Variants in BBOX1 observed in about 807,000 individuals in gnomAD.
BBOX1 encodes gamma-butyrobetaine dioxygenase.
In BBOX1, 35 loss-of-function variants were observed where a neutral mutation model predicts 41.6. That is an observed-to-expected ratio of 0.84 (90% CI 0.64 to 1.11). The LOEUF (loss-of-function observed/expected upper bound fraction) is 1.11. BBOX1 is among the 50% of genes most tolerant of loss of function. BBOX1 has a pLI of 0.00. For missense variants in BBOX1, 458 were observed against 460.6 expected, an observed-to-expected ratio of 0.99 and a Z score of 0.05; for synonymous variants, 163 against 154.7, an observed-to-expected ratio of 1.05 and a Z score of -0.40.
intron 2 of BBOX1, among the ~76,000 whole-genome samples, chr11:27,042,215 T>A (rs1851364837): frequency 6.6e-6 from 1 of 152,202 alleles, no homozygotes; most frequent in Admixed American, 6.5e-5. Flanking sequence ...AAATGGTGAT[T>A]CCACTAAAGT....
At chr11:27,104,908 T>A (rs1269147877) in intron 5 of BBOX1, among the ~76,000 whole-genome samples, 1 of 152,196 alleles carries the variant, frequency 6.6e-6, no homozygotes, top group Non-Finnish European at 1.5e-5. Flanking sequence ...AGAGGAAGAA[T>A]CAGGCAGCAA....
At chr11:27,074,680 G>C (rs796313747) in intron 4 of BBOX1, among the ~76,000 whole-genome samples, 16 of 152,320 alleles carry the variant, frequency 1.1e-4, no homozygotes, top group African/African-American at 3.8e-4. Flanking sequence ...TGACCTGGCT[G>C]TTTATAAAAG....
intron 4 of BBOX1, among the ~76,000 whole-genome samples, chr11:27,061,620 T>C (rs1034619337): frequency 3.3e-5 from 5 of 152,180 alleles, no homozygotes; most frequent in African/African-American, 7.2e-5. Context: ...AGTAGTAATG[T>C]TTTCTCTTCT....
At chr11:27,093,072 C>A in intron 4 of BBOX1, 96 bp from the exon 5 acceptor site, 1 of 1,181,760 alleles carries the variant, frequency 8.5e-7, no homozygotes, top group Non-Finnish European at 1.2e-6. Context: ...TATAAATCAA[C>A]AATCAACTTT....
chr11:27,103,527 G>T (rs117784358), intron 5 of BBOX1, among the ~76,000 whole-genome samples: 320 of 151,618 alleles, frequency 2.1e-3, no homozygotes, highest in Non-Finnish European at 3.5e-3. Context: ...TCCTAGTTAC[G>T]TTTATTTGAT....
intron 2 of BBOX1, among the ~76,000 whole-genome samples, chr11:27,051,631 T>C (rs952213907): frequency 3.9e-5 from 6 of 152,040 alleles, no homozygotes; most frequent in African/African-American, 1.4e-4. Flanking sequence ...TAGTCTCTTA[T>C]GAGCTTTTGT....
intron 4 of BBOX1, among the ~76,000 whole-genome samples, chr11:27,059,051 G>GA (rs1464180671): frequency 6.6e-6 from 1 of 152,174 alleles, no homozygotes; most frequent in Non-Finnish European, 1.5e-5. Context: ...GACCTGCACA[G>GA]CAGCCTCTCC....
intron 4 of BBOX1, among the ~76,000 whole-genome samples, chr11:27,059,145 G>A (rs1590172875): frequency 6.6e-6 from 1 of 152,260 alleles, no homozygotes; most frequent in African/African-American, 2.4e-5. Flanking sequence ...TCGGGAGGCA[G>A]CTCCCACATC....
chr11:27,041,574 C>G (rs1366044343), intron 2 of BBOX1, 96 bp downstream of exon 2: 1 of 152,180 alleles, frequency 6.6e-6, no homozygotes, highest in East Asian at 1.9e-4. Flanking sequence ...TTTGTGAATT[C>G]AAGTCTGTGG....
intron 4 of BBOX1, among the ~76,000 whole-genome samples, chr11:27,075,038 C>A (rs183918428): frequency 2.6e-5 from 4 of 152,184 alleles, no homozygotes; most frequent in Admixed American, 2.0e-4. Context: ...TGTTATAGAA[C>A]CCTGTTTTTT....
intron 5 of BBOX1, among the ~76,000 whole-genome samples, chr11:27,098,116 A>G (rs1858509269): frequency 6.6e-6 from 1 of 151,964 alleles, no homozygotes; most frequent in African/African-American, 2.4e-5. Flanking sequence ...TTCTGACTAC[A>G]GACAACCTGT....
At chr11:27,101,796 A>C (rs1231568186) in intron 5 of BBOX1, among the ~76,000 whole-genome samples, 1 of 152,184 alleles carries the variant, frequency 6.6e-6, no homozygotes, top group African/African-American at 2.4e-5. Context: ...GCCACAATCA[A>C]GCTTATTAAC....
rs1856951503 is a variant in BBOX1, at chr11:27,055,542, T to C, written c.112T>C (p.Cys38Arg). The C allele has an allele frequency of 1.2e-6, 2 of 1,614,198 alleles. No homozygotes were observed. The highest frequency in any genetic ancestry group is 1.7e-6 in the Non-Finnish European group (2 of 1,180,016). Residue 38 changes from cysteine to arginine, a missense_variant, in exon 3 of 9, where the codon TGT (cysteine) becomes CGT (arginine). Transcript: ENST00000263182. ...LYPAVWLRDN[C>R]PCSDCYLDSA... is the part of the protein sequence containing the mutation. ...CCCAGCTGTATGGTTGAGAGACAAC[T>C]GTCCGTGCTCTGATTGCTACCTGGA...
chr11:27,043,741 G>C (rs1194070655), intron 2 of BBOX1, among the ~76,000 whole-genome samples: 1 of 151,944 alleles, frequency 6.6e-6, no homozygotes, highest in Non-Finnish European at 1.5e-5. Flanking sequence ...ATGGCTTCCA[G>C]CTTCCTCCAT....
At position 27,127,558 on chromosome 11, in the gene BBOX1, A is replaced by T; in HGVS notation, c.*105A>T. The T allele has an allele frequency of 7.8e-7, 1 of 1,283,406 alleles. No homozygotes were observed. Among genetic ancestry groups the T allele is most frequent in the Non-Finnish European group, 1.1e-6 (1 of 938,426 alleles). 79.5% of individuals were successfully genotyped at this position (1,283,406 alleles called of 1,614,324 possible). A position where few individuals can be genotyped will look rare whatever the true frequency, so the allele number is the denominator to read the frequency against. On this transcript the variant is annotated 3_prime_UTR_variant, in exon 9 of 9. Transcript: ENST00000263182. ...TTTGTGATTTACATATAATTTCCTTAACAATGAACATGTAACTTCTCTCAC... is the reference window on the plus strand; with the variant it reads ...TTTGTGATTTACATATAATTTCCTTTACAATGAACATGTAACTTCTCTCAC...
chr11:27,124,934 T>C (rs1859596586), intron 7 of BBOX1, among the ~76,000 whole-genome samples: 1 of 152,154 alleles, frequency 6.6e-6, no homozygotes, highest in Admixed American at 6.5e-5. Flanking sequence ...TTACTAAAAA[T>C]AAAAACCTTA....
At chr11:27,054,080 T>C (rs1157305708) in intron 2 of BBOX1, among the ~76,000 whole-genome samples, 7 of 152,162 alleles carry the variant, frequency 4.6e-5, no homozygotes, top group Admixed American at 3.3e-4. Flanking sequence ...GTTATCTTAA[T>C]GTTGCATAAA....
chr11:27,074,866 T>A (rs866212665), intron 4 of BBOX1, among the ~76,000 whole-genome samples: 55 of 152,216 alleles, frequency 3.6e-4, no homozygotes, highest in African/African-American at 1.3e-3. Context: ...TCCCAAGGTC[T>A]TGGGCAGCTC....
chr11:27,110,526 A>T (rs1173584539), intron 5 of BBOX1, among the ~76,000 whole-genome samples: 1 of 151,834 alleles, frequency 6.6e-6, no homozygotes, highest in Non-Finnish European at 1.5e-5. Context: ...CATACTCCGA[A>T]CTCAAAACCT....
Sources: gnomAD v4.1 joint callset for allele counts (sites outside exome capture counted in the v4.1 genomes callset) on GRCh38, gnomAD v4.1.1 for gene constraint, MANE v1.5 for transcripts, NCBI Gene and HGNC (gene_info 2026-07-23, HGNC 2026-07-21) for gene names.